The following ABTB3 variants were observed in gnomAD, a reference collection of about 807,000 sequenced individuals.
ABTB3 encodes the protein ankyrin repeat- and BTB/POZ domain-containing protein 3.
the ABTB3 span, among the ~76,000 whole-genome samples, chr12:107,413,499 G>A: frequency 3.9e-5 from 6 of 152,170 alleles, no homozygotes; most frequent in African/African-American, 1.2e-4. Context: ...AAGAGACAGC[G>A]AAGGGGAGCA....
the ABTB3 span, among the ~76,000 whole-genome samples, chr12:107,647,417 A>G: frequency 2.0e-5 from 3 of 152,106 alleles, no homozygotes; most frequent in South Asian, 4.2e-4. Flanking sequence ...AGGTGGGGGG[A>G]TTGCTTGAGA....
chr12:107,413,246 C>T, the ABTB3 span, among the ~76,000 whole-genome samples: 2 of 152,224 alleles, frequency 1.3e-5, no homozygotes, highest in East Asian at 3.9e-4. Context: ...TGCACTCCAG[C>T]CTGGGCGACA....
chr12:107,369,302 T>C, the ABTB3 span, among the ~76,000 whole-genome samples: 1 of 152,158 alleles, frequency 6.6e-6, no homozygotes, highest in Non-Finnish European at 1.5e-5. Flanking sequence ...CAAATTCATT[T>C]AGTGAGCCAG....
chr12:107,531,208 C>A, the ABTB3 span, among the ~76,000 whole-genome samples: 1 of 152,212 alleles, frequency 6.6e-6, no homozygotes, highest in Non-Finnish European at 1.5e-5. Flanking sequence ...CTAGATGCCA[C>A]TAGCAGCCCC....
the ABTB3 span, among the ~76,000 whole-genome samples, chr12:107,465,673 A>C: frequency 6.6e-6 from 1 of 152,104 alleles, no homozygotes; most frequent in Non-Finnish European, 1.5e-5. Flanking sequence ...GCTGCCCTTC[A>C]TCACTAGGCC....
chr12:107,652,131 C>T, the ABTB3 span, among the ~76,000 whole-genome samples: 1 of 152,248 alleles, frequency 6.6e-6, no homozygotes, highest in Non-Finnish European at 1.5e-5. Context: ...GATGTCTCTG[C>T]TGCTGGTCTA....
At chr12:107,550,710 A>G in the ABTB3 span, among the ~76,000 whole-genome samples, 1 of 151,330 alleles carries the variant, frequency 6.6e-6, no homozygotes, top group African/African-American at 2.4e-5. Flanking sequence ...CTTCCCAAAT[A>G]GCTGGGACTA....
chr12:107,641,857 G>T, the ABTB3 span, among the ~76,000 whole-genome samples: 2 of 152,224 alleles, frequency 1.3e-5, no homozygotes, highest in Non-Finnish European at 2.9e-5. Flanking sequence ...ACCAGTTGGA[G>T]AAAGAATGTA....
the ABTB3 span, among the ~76,000 whole-genome samples, chr12:107,338,434 G>A: frequency 6.6e-6 from 1 of 152,314 alleles, no homozygotes; most frequent in South Asian, 2.1e-4. Context: ...TGGGAAGGGT[G>A]AAGTATCTTG....
the ABTB3 span, among the ~76,000 whole-genome samples, chr12:107,477,828 A>G: frequency 6.6e-6 from 1 of 152,196 alleles, no homozygotes; most frequent in Non-Finnish European, 1.5e-5. Flanking sequence ...TTCTATATAG[A>G]TGCTTACTCT....
At chr12:107,460,014 C>T in the ABTB3 span, among the ~76,000 whole-genome samples, 3 of 152,356 alleles carry the variant, frequency 2.0e-5, no homozygotes, top group East Asian at 5.8e-4. Flanking sequence ...AACAGGCTGG[C>T]TCCCTGTACC....
the ABTB3 span, among the ~76,000 whole-genome samples, chr12:107,635,710 G>A: frequency 6.6e-6 from 1 of 152,038 alleles, no homozygotes; most frequent in Admixed American, 6.6e-5. Context: ...CACACTGCAC[G>A]TGGCAACTCT....
At chr12:107,370,151 G>C in the ABTB3 span, among the ~76,000 whole-genome samples, 1 of 152,188 alleles carries the variant, frequency 6.6e-6, no homozygotes, top group Non-Finnish European at 1.5e-5. Flanking sequence ...TTTTCCCCAG[G>C]CCTCACCAAG....
chr12:107,321,829 T>C, the ABTB3 span, among the ~76,000 whole-genome samples: 24 of 152,300 alleles, frequency 1.6e-4, no homozygotes, highest in Non-Finnish European at 3.2e-4. Context: ...AATCATCTTT[T>C]ACTCTTTGCT....
the ABTB3 span, among the ~76,000 whole-genome samples, chr12:107,458,714 A>G: frequency 6.6e-6 from 1 of 152,154 alleles, no homozygotes; most frequent in Non-Finnish European, 1.5e-5. Context: ...AAGGCCTCAT[A>G]GGGCAAGGGA....
the ABTB3 span, among the ~76,000 whole-genome samples, chr12:107,387,257 C>T: frequency 1.3e-5 from 2 of 152,204 alleles, no homozygotes; most frequent in Non-Finnish European, 2.9e-5. Flanking sequence ...GGATTACAGG[C>T]GTGAGCCACT....
the ABTB3 span, among the ~76,000 whole-genome samples, chr12:107,651,974 A>G: frequency 0.16 from 24,971 of 152,294 alleles, 2,168 homozygotes; most frequent in South Asian, 0.28. Flanking sequence ...CCCCTCCAGA[A>G]CAAGGAAAGT....
At chr12:107,413,137 G>A in the ABTB3 span, among the ~76,000 whole-genome samples, 2 of 152,176 alleles carry the variant, frequency 1.3e-5, no homozygotes, top group East Asian at 1.9e-4. Flanking sequence ...AGCCGGGCGT[G>A]GTGGTGGGCG....
chr12:107,489,757 C>T, the ABTB3 span, among the ~76,000 whole-genome samples: 14 of 152,050 alleles, frequency 9.2e-5, no homozygotes, highest in Non-Finnish European at 1.5e-4. Context: ...AAACTTTAAA[C>T]ATTGTCTTTT....
Sources: allele counts gnomAD v4.1 joint callset (sites outside exome capture counted in the v4.1 genomes callset), GRCh38; gene constraint gnomAD v4.1.1; transcripts MANE v1.5; gene names NCBI Gene and HGNC (gene_info 2026-07-23, HGNC 2026-07-21).